ZAP70: variants seen among roughly 807,000 people sequenced by gnomAD.
ZAP70 encodes zeta chain of T cell receptor associated protein kinase 70.
ZAP70 carries 27 observed loss-of-function variants against 65.8 expected under a neutral mutation model. The observed-to-expected ratio is 0.41, with a 90% CI of 0.30 to 0.57. ZAP70 has a LOEUF of 0.57. Ranked by LOEUF, ZAP70 falls within the 20% of genes least tolerant of loss-of-function variation. The pLI is 0.28. For missense variants in ZAP70, 696 were observed against 870.5 expected (o/e 0.80, Z 2.52); for synonymous variants, 363 against 360.8 (o/e 1.01, Z -0.07).
intron 13 of ZAP70, 150 bp from the exon 14 acceptor site, chr2:97,739,225 C>A: frequency 7.9e-7 from 1 of 1,262,860 alleles, no homozygotes; most frequent in Non-Finnish European, 1.1e-6. Flanking sequence ...GAGTCCTCTC[C>A]ACCACCCAAT....
intron 13 of ZAP70, 55 bp from the exon 14 acceptor site, chr2:97,739,319 TG>T: frequency 6.2e-7 from 1 of 1,607,206 alleles, no homozygotes; most frequent in East Asian, 2.2e-5. Context: ...CACCCACTGG[TG>T]AAGCTGGGTC....
intron 4 of ZAP70, among the ~76,000 whole-genome samples, chr2:97,726,604 A>G (rs964286837): frequency 7.2e-5 from 11 of 152,254 alleles, no homozygotes; most frequent in African/African-American, 2.4e-4. Context: ...ACCCATGTGA[A>G]GTTTCTGTAG....
At chr2:97,717,939 G>A (rs1677003438) in intron 2 of ZAP70, among the ~76,000 whole-genome samples, 1 of 152,162 alleles carries the variant, frequency 6.6e-6, no homozygotes, top group Non-Finnish European at 1.5e-5. Context: ...TGTGAGTGTG[G>A]GGCAGGTGCC....
intron 2 of ZAP70, among the ~76,000 whole-genome samples, chr2:97,719,475 C>T (rs1416780855): frequency 6.6e-6 from 1 of 150,484 alleles, no homozygotes; most frequent in Non-Finnish European, 1.5e-5. Context: ...TTCAGGGGGC[C>T]CAGGATTGAG....
At chr2:97,728,320 G>A (rs1050939930) in intron 4 of ZAP70, among the ~76,000 whole-genome samples, 16 of 152,242 alleles carry the variant, frequency 1.1e-4, no homozygotes, top group Non-Finnish European at 2.4e-4. Flanking sequence ...CAGCATCTGG[G>A]CACAGCATAG....
intron 3 of ZAP70, chr2:97,724,752 G>T: frequency 4.0e-6 from 6 of 1,504,870 alleles, no homozygotes; most frequent in Non-Finnish European, 5.3e-6. Context: ...AGGAGGGTGC[G>T]CGGGGCTAGG....
intron 4 of ZAP70, among the ~76,000 whole-genome samples, chr2:97,728,826 C>T (rs1209500221): frequency 6.6e-6 from 1 of 152,228 alleles, no homozygotes; most frequent in Non-Finnish European, 1.5e-5. Flanking sequence ...AATCTTCGCT[C>T]ACTGCAACCT....
In ZAP70 at chr2:97,733,160, C is replaced by T. The variant is rs1677685079; in HGVS notation, c.738C>T (p.Leu246=). 2.5e-6 allele frequency: 4 copies of T among 1,613,922 alleles called. No homozygotes were observed. Among genetic ancestry groups the T allele is most frequent in the East Asian group, 2.2e-5 (1 of 44,876 alleles). ...VEYLKLKADG[L]IYCLKEACPN... is the part of the protein sequence containing the mutation. ...ATCTGAAGCTGAAGGCGGACGGGCT[C>T]ATCTACTGCCTGAAGGAGGCCTGCC... Residue 246 remains leucine, a synonymous_variant, in exon 6 of 14, where the codon CTC becomes CTT. Coordinates refer to ENST00000264972, the MANE Select transcript of ZAP70 (RefSeq NM_001079.4).
chr2:97,752,883 A>T, the ZAP70 span, among the ~76,000 whole-genome samples: 2 of 152,216 alleles, frequency 1.3e-5, no homozygotes, highest in African/African-American at 4.8e-5. Context: ...TTAAGGGTGA[A>T]TTTAACTCTG....
intron 7 of ZAP70, 59 bp from the exon 8 acceptor site, chr2:97,733,485 G>A: frequency 6.2e-7 from 1 of 1,611,428 alleles, no homozygotes; most frequent in Non-Finnish European, 8.5e-7. Flanking sequence ...GTGGATATAG[G>A]TCTCATGAGA....
Position 97,735,529 on chromosome 2 carries a change from C to G in ZAP70, c.1289+73C>G. The G allele has an allele frequency of 2.6e-6, 4 of 1,518,098 alleles. No individual in the cohort carries two copies. The South Asian group carries it at 4.9e-5, about 19-fold the overall frequency. The allele number at this position is 1,518,098 out of a possible 1,614,324, so 94.0% of individuals were successfully genotyped here. On this transcript the variant is annotated intron_variant, in intron 10 of 13. Coordinates refer to ENST00000264972, the MANE Select transcript of ZAP70 (RefSeq NM_001079.4). ...ATCCTGGGCATGGTGGACATGCACC[C>G]GCGTGCATGCGTGTGTGGGAAGCCG... is the stretch of plus-strand genomic sequence containing the variant.
Position 97,728,380 on chromosome 2 carries a change from A to C in ZAP70, c.563+3128A>C, listed in dbSNP as rs546051749. Among the ~76,000 whole-genome samples the C allele has an allele frequency of 7.9e-5, 12 of 152,380 alleles. No homozygotes were observed. In the South Asian group the frequency reaches 1.7e-3, roughly 21 times the overall value. ...ACAGCTGGCACAGTGGTATGAGGAC[A>C]ATGACTCATTCTGGGTAAACGTCAA... is the stretch of plus-strand genomic sequence containing the variant. On this transcript the variant is annotated intron_variant, in intron 4 of 13. Transcript: ENST00000264972.
the ZAP70 span, among the ~76,000 whole-genome samples, chr2:97,750,586 G>A: frequency 6.6e-6 from 1 of 152,326 alleles, no homozygotes; most frequent in East Asian, 1.9e-4. Context: ...GTAATTACGA[G>A]AAACGCAAGG....
chr2:97,727,534 G>C (rs1677437627), intron 4 of ZAP70, among the ~76,000 whole-genome samples: 1 of 152,146 alleles, frequency 6.6e-6, no homozygotes, highest in South Asian at 2.1e-4. Flanking sequence ...GTTCTCACAT[G>C]CTCATATCCC....
the ZAP70 span, among the ~76,000 whole-genome samples, chr2:97,753,061 A>G: frequency 6.6e-6 from 1 of 152,248 alleles, no homozygotes; most frequent in Admixed American, 6.5e-5. Context: ...TTGTGTGAAA[A>G]TAATTCAAAA....
intron 4 of ZAP70, among the ~76,000 whole-genome samples, chr2:97,732,105 A>G (rs1573276784): frequency 6.6e-6 from 1 of 151,608 alleles, no homozygotes; most frequent in African/African-American, 2.4e-5. Context: ...GGATGGGGGG[A>G]CAGTTTCTTA....
chr2:97,726,090 A>G (rs1677378712), intron 4 of ZAP70, among the ~76,000 whole-genome samples: 1 of 152,182 alleles, frequency 6.6e-6, no homozygotes, highest in African/African-American at 2.4e-5. Flanking sequence ...TGAGGATTAC[A>G]TGAATTAATA....
At position 97,731,710 on chromosome 2, in the gene ZAP70, G is replaced by A. The variant is rs557312845; in HGVS notation, c.564-1173G>A. ...GCCTTGCTCACTGCCATATCCCTGC[G>A]CTGAGAACAGTGCCTGGCCTGTCAG... is the stretch of plus-strand genomic sequence containing the variant. On this transcript the variant is annotated intron_variant, in intron 4 of 13. Transcript: ENST00000264972. This position sits in a 1 kb window ranked among gnomAD's most constrained non-coding sequence, Gnocchi z 4.0. 4.6e-5 allele frequency among the ~76,000 whole-genome samples: 7 copies of A among 152,302 alleles called. No homozygotes were observed. Among genetic ancestry groups the A allele is most frequent in the East Asian group, 1.9e-4 (1 of 5,186 alleles).
intron 8 of ZAP70, 61 bp downstream of exon 8, chr2:97,733,656 T>C: frequency 6.2e-7 from 1 of 1,602,424 alleles, no homozygotes; most frequent in Non-Finnish European, 8.5e-7. Flanking sequence ...TCAGGGTCGC[T>C]GTCAGGGCTG....
Sources: allele counts gnomAD v4.1 joint callset (sites outside exome capture counted in the v4.1 genomes callset), GRCh38; gene constraint gnomAD v4.1.1; non-coding constraint Gnocchi (gnomAD v3.1); transcripts MANE v1.5; gene names NCBI Gene and HGNC (gene_info 2026-07-23, HGNC 2026-07-21).